The following RAMP1 variants were observed in gnomAD, a reference collection of about 807,000 sequenced individuals.
RAMP1 encodes receptor activity-modifying protein 1.
In RAMP1, 7 loss-of-function variants were observed where a neutral mutation model predicts 8.2. That is an observed-to-expected ratio of 0.85 (90% CI 0.49 to 1.60). The LOEUF (loss-of-function observed/expected upper bound fraction) is 1.60, where lower values mean the gene tolerates loss of function less well. Among genes scored for constraint, RAMP1 ranks in the 40% most tolerant of loss-of-function variants. The probability of loss-of-function intolerance (pLI) is 0.00; values close to 1 mark genes in which losing one functional copy is unlikely to be tolerated. For missense variants in RAMP1, 192 were observed against 202.4 expected (o/e 0.95, Z 0.31); for synonymous variants, 92 against 84.7 (o/e 1.09, Z -0.47).
At chr2:237,890,221 A>C (rs1370419571) in intron 2 of RAMP1, among the ~76,000 whole-genome samples, 1 of 149,368 alleles carries the variant, frequency 6.7e-6, no homozygotes, top group Non-Finnish European at 1.5e-5. Flanking sequence ...TTTTTTTTTG[A>C]GACAGAGTCT....
intron 2 of RAMP1, among the ~76,000 whole-genome samples, chr2:237,901,461 G>A (rs368600135): frequency 6.6e-6 from 1 of 152,216 alleles, no homozygotes; most frequent in Non-Finnish European, 1.5e-5. Context: ...CTTTGAGGAC[G>A]TGACATTTAA....
At chr2:237,909,017 C>G (rs2062681187) in intron 2 of RAMP1, among the ~76,000 whole-genome samples, 1 of 152,136 alleles carries the variant, frequency 6.6e-6, no homozygotes, top group Non-Finnish European at 1.5e-5. Flanking sequence ...ACACTGGCAT[C>G]ATGGATACGG....
At chr2:237,863,815 CT>C (rs2062155418) in intron 1 of RAMP1, among the ~76,000 whole-genome samples, 1 of 152,040 alleles carries the variant, frequency 6.6e-6, no homozygotes, top group African/African-American at 2.4e-5. Context: ...GCTTCACTCC[CT>C]CCCATGTGCA....
At chr2:237,884,025 C>T (rs2151012629) in intron 2 of RAMP1, among the ~76,000 whole-genome samples, 1 of 150,938 alleles carries the variant, frequency 6.6e-6, no homozygotes, top group Non-Finnish European at 1.5e-5. Context: ...TGGGTTCCGA[C>T]AGCCCTTGCC....
At chr2:237,885,539 C>T (rs91867) in intron 2 of RAMP1, among the ~76,000 whole-genome samples, 100,962 of 152,202 alleles carry the variant, frequency 0.66, 33,890 homozygotes, top group Middle Eastern at 0.73. Flanking sequence ...TGCTGTCATC[C>T]CTGTGTGTGC....
intron 2 of RAMP1, among the ~76,000 whole-genome samples, chr2:237,902,253 G>A (rs2062606920): frequency 6.7e-6 from 1 of 149,532 alleles, no homozygotes; most frequent in African/African-American, 2.5e-5. Flanking sequence ...GGGGCCTGGA[G>A]CAAGGGCGAG....
At chr2:237,903,726 G>A (rs906055294) in intron 2 of RAMP1, among the ~76,000 whole-genome samples, 5 of 151,472 alleles carry the variant, frequency 3.3e-5, no homozygotes, top group East Asian at 1.9e-4. Flanking sequence ...ACAGAGTCTC[G>A]CTCTGTCACC....
chr2:237,873,605 T>C (rs1311386308), intron 1 of RAMP1, among the ~76,000 whole-genome samples: 1 of 152,172 alleles, frequency 6.6e-6, no homozygotes, highest in Non-Finnish European at 1.5e-5. Context: ...TTTCCTGTCT[T>C]AACACGCCGA....
chr2:237,895,302 T>C (rs1215610556), intron 2 of RAMP1, among the ~76,000 whole-genome samples: 1 of 152,100 alleles, frequency 6.6e-6, no homozygotes, highest in Non-Finnish European at 1.5e-5. Context: ...TGGGCTCCCA[T>C]CAGAGAATGG....
At chr2:237,871,203 C>CT in intron 1 of RAMP1, among the ~76,000 whole-genome samples, 1 of 152,296 alleles carries the variant, frequency 6.6e-6, no homozygotes, top group East Asian at 1.9e-4. Flanking sequence ...ATGAGAGGGT[C>CT]TTGCCAGAGA....
At chr2:237,882,741 T>C (rs73092585) in intron 2 of RAMP1, among the ~76,000 whole-genome samples, 18,664 of 152,088 alleles carry the variant, frequency 0.12, 1,394 homozygotes, top group African/African-American at 0.21. Flanking sequence ...TTTGTCCAAG[T>C]AACTAGTGGA....
chr2:237,869,981 G>C (rs1407341668), intron 1 of RAMP1: 1 of 152,188 alleles, frequency 6.6e-6, no homozygotes, highest in Non-Finnish European at 1.5e-5. Flanking sequence ...AGCCGAGCCG[G>C]GGAAGAAAAA....
rs2062332398 is a variant in RAMP1, at chr2:237,878,449, C to A, written c.191+1087C>A. Among the ~76,000 whole-genome samples the A allele has an allele frequency of 6.6e-6, 1 of 152,240 alleles. No homozygotes were observed. The highest frequency in any genetic ancestry group is 1.9e-4 in the East Asian group (1 of 5,200). ...GAAGACCCCTAGTTGGACTCGTCAC[C>A]CCTCCCCTGTGGGTTGCAGGCTGGC... On this transcript the variant is annotated intron_variant, in intron 2 of 2. Coordinates refer to ENST00000254661, the MANE Select transcript of RAMP1 (RefSeq NM_005855.4). The surrounding 1 kb of genome is among the most constrained non-coding windows in gnomAD (Gnocchi z 5.7).
intron 2 of RAMP1, among the ~76,000 whole-genome samples, chr2:237,885,331 C>T (rs543556706): frequency 1.1e-4 from 17 of 152,216 alleles, no homozygotes; most frequent in South Asian, 8.3e-4. Context: ...CCCTGCCCGC[C>T]GCCTGCCCCT....
At chr2:237,879,595 T>TGA (rs1195331945) in intron 2 of RAMP1, among the ~76,000 whole-genome samples, 1,101 of 123,186 alleles carry the variant, frequency 8.9e-3, no homozygotes, top group African/African-American at 0.031. Flanking sequence ...ACCCATTAAC[T>TGA]CGTCATTTAA....
chr2:237,883,279 G>A (rs57748611), intron 2 of RAMP1, among the ~76,000 whole-genome samples: 11,593 of 152,184 alleles, frequency 0.076, 1,291 homozygotes, highest in African/African-American at 0.24. Flanking sequence ...GAAATCAGAG[G>A]TCTCATTTAA....
chr2:237,909,227 A>T (rs973859064), intron 2 of RAMP1, among the ~76,000 whole-genome samples: 1 of 151,822 alleles, frequency 6.6e-6, no homozygotes. Flanking sequence ...GAGGTGTGAG[A>T]CCCGTGCAGT....
At chr2:237,890,201 A>G (rs2062474939) in intron 2 of RAMP1, among the ~76,000 whole-genome samples, 1 of 152,020 alleles carries the variant, frequency 6.6e-6, no homozygotes, top group Non-Finnish European at 1.5e-5. Context: ...AGGGTGGGAA[A>G]TAATTTTTTT....
At chr2:237,898,212 C>A (rs552836011) in intron 2 of RAMP1, among the ~76,000 whole-genome samples, 2 of 152,302 alleles carry the variant, frequency 1.3e-5, no homozygotes, top group South Asian at 4.1e-4. Flanking sequence ...AATAGATAAA[C>A]CATAGTCAGA....
Sources: gnomAD v4.1 joint callset for allele counts (sites outside exome capture counted in the v4.1 genomes callset) on GRCh38, gnomAD v4.1.1 for gene constraint, Gnocchi (gnomAD v3.1) non-coding constraint, MANE v1.5 for transcripts, NCBI Gene and HGNC (gene_info 2026-07-23, HGNC 2026-07-21) for gene names.